The following TMEFF1 variants were observed in gnomAD, a reference collection of about 807,000 sequenced individuals.
TMEFF1 encodes the protein transmembrane protein with EGF like and two follistatin like domains 1.
Under a neutral mutation model 47.5 loss-of-function variants are expected in TMEFF1, and 20 were observed. That is an observed-to-expected ratio of 0.42 (90% confidence interval 0.30 to 0.61). The LOEUF (loss-of-function observed/expected upper bound fraction) is 0.61. Among genes scored for constraint, TMEFF1 ranks in the 20% least tolerant of loss-of-function variants. TMEFF1 has a pLI of 0.19. For synonymous variants in TMEFF1, 162 were observed against 166.3 expected (o/e 0.97, Z 0.20); for missense variants, 411 against 471.1 (o/e 0.87, Z 1.18).
chr9:100,535,139 A>T (rs571442118), intron 5 of TMEFF1, among the ~76,000 whole-genome samples: 7 of 152,272 alleles, frequency 4.6e-5, no homozygotes, highest in Admixed American at 2.6e-4. Flanking sequence ...CTATATATAT[A>T]TTTTTAATAT....
intron 9 of TMEFF1, among the ~76,000 whole-genome samples, chr9:100,573,743 A>C (rs1346134100): frequency 6.6e-6 from 1 of 152,242 alleles, no homozygotes; most frequent in East Asian, 1.9e-4. Flanking sequence ...TGAGATGATA[A>C]ATCTAGAAAT....
chr9:100,514,320 A>G (rs975087441), intron 4 of TMEFF1, among the ~76,000 whole-genome samples: 2 of 152,030 alleles, frequency 1.3e-5, no homozygotes, highest in Non-Finnish European at 2.9e-5. Flanking sequence ...CAGCTAAAAA[A>G]AAAAAAAATG....
Position 100,525,369 on chromosome 9 carries a change from C to T in TMEFF1, c.560+8598C>T, listed in dbSNP as rs73655585. Among the ~76,000 whole-genome samples, 985 of 152,140 alleles carry T rather than the reference C, an allele frequency of 6.5e-3. 9 individuals carry two copies. The highest frequency in any genetic ancestry group is 0.023 in the African/African-American group (948 of 41,482). ...CAGATGACCATAAATTTTGGAGTTC[C>T]CATGCCCTAGCTAATTTGCTAAAAC... On this transcript the variant is annotated intron_variant, in intron 5 of 9. Transcript: ENST00000374879.
intron 8 of TMEFF1, among the ~76,000 whole-genome samples, chr9:100,570,490 T>G (rs929520418): frequency 2.0e-5 from 3 of 152,182 alleles, no homozygotes; most frequent in Non-Finnish European, 4.4e-5. Context: ...AGCTTCATCC[T>G]TTTGTGTGTG....
chr9:100,528,426 G>C (rs1000806740), intron 5 of TMEFF1, among the ~76,000 whole-genome samples: 5 of 146,628 alleles, frequency 3.4e-5, no homozygotes, highest in Non-Finnish European at 6.0e-5. Flanking sequence ...ATCAAGGCTC[G>C]AGAACTACGT....
At chr9:100,528,322 C>A (rs1237104535) in intron 5 of TMEFF1, among the ~76,000 whole-genome samples, 1 of 149,958 alleles carries the variant, frequency 6.7e-6, no homozygotes, top group African/African-American at 2.5e-5. Context: ...AAACCAAAGG[C>A]AAACAAGTTG....
intron 9 of TMEFF1, among the ~76,000 whole-genome samples, chr9:100,573,189 G>A (rs1839280592): frequency 6.6e-6 from 1 of 152,028 alleles, no homozygotes; most frequent in Non-Finnish European, 1.5e-5. Context: ...AGATTTTTAA[G>A]CCCTGCACAA....
chr9:100,570,039 A>T (rs2489364), intron 8 of TMEFF1, among the ~76,000 whole-genome samples: 85,432 of 151,904 alleles, frequency 0.56, 24,536 homozygotes, highest in Admixed American at 0.63. Context: ...CACTCAGTAT[A>T]TGTCTTTCTA....
rs1041703807 is a variant in TMEFF1 at position 100,572,536 on chromosome 9, T to C, written c.918T>C (p.Thr306=). ...TTTTCAGATGTGAATCTGGCTACAC[T>C]GGACAGCACTGTGAAAAGACAGACT... The part of the protein sequence containing the change: ...KASCRCESGY[T]GQHCEKTDFS... Residue 306 remains threonine, a synonymous_variant, in exon 9 of 10, where the codon ACT becomes ACC. Coordinates refer to ENST00000374879, the MANE Select transcript of TMEFF1 (RefSeq NM_003692.5). 6.2e-7 allele frequency: 1 copy of C among 1,605,718 alleles called. No individual in the cohort carries two copies. The highest frequency in any genetic ancestry group is 1.3e-5 in the African/African-American group (1 of 74,570).
At chr9:100,514,760 C>G (rs1313934280) in intron 4 of TMEFF1, among the ~76,000 whole-genome samples, 1 of 151,244 alleles carries the variant, frequency 6.6e-6, no homozygotes, top group Non-Finnish European at 1.5e-5. Context: ...TTTGGGAGGC[C>G]GAGGCGGGCG....
Position 100,483,775 on chromosome 9 carries a change from CGTCT to C in TMEFF1, c.196+10046_196+10049del, listed in dbSNP as rs1369439910. On this transcript the variant is annotated intron_variant, in intron 1 of 9. Coordinates refer to ENST00000374879, the MANE Select transcript of TMEFF1 (RefSeq NM_003692.5). ...GTGTATCTACTCTTTCTCTCTCTAT[CGTCT>C]GTCTGTCTGTTTTTTTTTTCCCCTG... is the stretch of plus-strand genomic sequence containing the variant. Among the ~76,000 whole-genome samples the C allele has an allele frequency of 1.1e-4, 17 of 148,786 alleles. 1 individual carries two copies. Among genetic ancestry groups the C allele is most frequent in the Admixed American group, 6.7e-4 (10 of 14,964 alleles).
chr9:100,542,608 T>A (rs1357649490), intron 5 of TMEFF1, among the ~76,000 whole-genome samples: 1 of 152,232 alleles, frequency 6.6e-6, no homozygotes, highest in African/African-American at 2.4e-5. Context: ...TTGGCTTCAG[T>A]ATTGCTTTTG....
At chr9:100,543,209 T>C (rs1441242947) in intron 5 of TMEFF1, among the ~76,000 whole-genome samples, 2 of 152,160 alleles carry the variant, frequency 1.3e-5, no homozygotes, top group African/African-American at 4.8e-5. Context: ...ATTATAAGGG[T>C]GAGCCACTGC....
intron 3 of TMEFF1, among the ~76,000 whole-genome samples, chr9:100,511,245 G>A (rs562909360): frequency 2.5e-4 from 38 of 152,272 alleles, no homozygotes; most frequent in Non-Finnish European, 4.7e-4. Context: ...CTCAAATTAT[G>A]TTTCACTTAT....
intron 3 of TMEFF1, among the ~76,000 whole-genome samples, chr9:100,511,876 A>C (rs1837973165): frequency 6.6e-6 from 1 of 152,186 alleles, no homozygotes; most frequent in African/African-American, 2.4e-5. Context: ...TACAAAATAT[A>C]ACATACAGGG....
intron 5 of TMEFF1, among the ~76,000 whole-genome samples, chr9:100,540,066 G>A (rs922294775): frequency 2.0e-5 from 3 of 151,964 alleles, no homozygotes; most frequent in South Asian, 2.1e-4. Flanking sequence ...TGATTGGTGC[G>A]TTTACAAACC....
At chr9:100,474,591 G>A (rs543949639) in intron 1 of TMEFF1, among the ~76,000 whole-genome samples, 11 of 151,990 alleles carry the variant, frequency 7.2e-5, no homozygotes, top group Non-Finnish European at 1.6e-4. Flanking sequence ...TCCTGTGTAG[G>A]GTTTGGATGT....
intron 7 of TMEFF1, 136 bp from the exon 8 acceptor site, chr9:100,561,261 T>C (rs1248560674): frequency 6.2e-6 from 9 of 1,443,130 alleles, no homozygotes; most frequent in Non-Finnish European, 8.3e-6. Flanking sequence ...ACCCCCTATC[T>C]GATAAATTTT....
At chr9:100,504,434 C>T (rs141760112) in intron 2 of TMEFF1, among the ~76,000 whole-genome samples, 22 of 152,290 alleles carry the variant, frequency 1.4e-4, no homozygotes, top group African/African-American at 5.3e-4. Flanking sequence ...ACACCACTGA[C>T]TTAACTTGAG....
Sources: allele counts gnomAD v4.1 joint callset (sites outside exome capture counted in the v4.1 genomes callset), GRCh38; gene constraint gnomAD v4.1.1; transcripts MANE v1.5; gene names NCBI Gene and HGNC (gene_info 2026-07-23, HGNC 2026-07-21).